The following GRID1 variants were observed in gnomAD, a reference collection of about 807,000 sequenced individuals.
GRID1 encodes the protein glutamate receptor ionotropic, delta-1.
In GRID1, 28 loss-of-function variants were observed where a neutral mutation model predicts 98.0. The ratio of observed to expected loss-of-function variants is 0.29; its 90% CI spans 0.21 to 0.39. The LOEUF is 0.39. Ranked by LOEUF, GRID1 falls within the 10% of genes least tolerant of loss-of-function variation. The probability of loss-of-function intolerance (pLI) is 1.00; values close to 1 mark genes in which losing one functional copy is unlikely to be tolerated. For synonymous variants in GRID1, 553 were observed against 538.5 expected, an observed-to-expected ratio of 1.03 and a Z score of -0.37; for missense variants, 1,111 against 1,340.5, an observed-to-expected ratio of 0.83 and a Z score of 2.67.
chr10:85,646,083 G>A (rs1452285384), intron 13 of GRID1: 2 of 152,396 alleles, frequency 1.3e-5, no homozygotes, highest in South Asian at 2.1e-4. Context: ...GAAGTCACTG[G>A]AGTGGCTGGG....
At chr10:86,073,850 C>T (rs1448890499) in intron 4 of GRID1, among the ~76,000 whole-genome samples, 1 of 152,188 alleles carries the variant, frequency 6.6e-6, no homozygotes, top group Admixed American at 6.5e-5. Flanking sequence ...CACCTGGGCT[C>T]TCTCTCCTCT....
chr10:86,085,334 G>A (rs1311520606), intron 4 of GRID1, among the ~76,000 whole-genome samples: 1 of 152,226 alleles, frequency 6.6e-6, no homozygotes, highest in East Asian at 1.9e-4. Context: ...TGGACCTCCA[G>A]TGCCAGCCTC....
Position 85,628,615 on chromosome 10 carries a change from G to C in GRID1, c.2194-8582C>G, listed in dbSNP as rs538211422. Reference sequence around the variant, plus strand: ...ATGTGAGGCTGTGAGGCAGACCATTGGTGGGCCCAGCTAGGAGGTTGTCAG... The same window carrying C: ...ATGTGAGGCTGTGAGGCAGACCATTCGTGGGCCCAGCTAGGAGGTTGTCAG... On this transcript the variant is annotated intron_variant, in intron 13 of 15. Coordinates refer to ENST00000327946, the MANE Select transcript of GRID1 (RefSeq NM_017551.3). Among the ~76,000 whole-genome samples the C allele has an allele frequency of 2.0e-5, 3 of 152,246 alleles. No individual in the cohort carries two copies. In the South Asian group the frequency reaches 6.2e-4, roughly 32 times the overall value.
chr10:85,757,040 T>A (rs1842106304), intron 8 of GRID1, among the ~76,000 whole-genome samples: 1 of 152,146 alleles, frequency 6.6e-6, no homozygotes, highest in Non-Finnish European at 1.5e-5. Context: ...CCTCCAAGGA[T>A]CTACCTTCTA....
Position 85,613,501 on chromosome 10 carries a change from C to T in GRID1, c.2507G>A (p.Cys836Tyr). 1.2e-6 allele frequency: 2 copies of T among 1,614,174 alleles called. No homozygotes were observed. The highest frequency in any genetic ancestry group is 1.7e-6 in the Non-Finnish European group (2 of 1,180,048). The change falls in exon 15 of 16, where the codon TGC (cysteine) becomes TAC (tyrosine). Residue 836 changes from cysteine (C) to tyrosine (Y), a missense_variant. By Grantham distance (194) the Cys-to-Tyr change is radical (BLOSUM62 -2). This residue lies in a region of GRID1 where 762 missense variants were observed against 869.1 expected (regional missense o/e 0.88). Transcript: ENST00000327946. The stretch of plus-strand genomic sequence containing the variant: ...CAGGAGCAGGCCAATGGCCAGGATG[C>T]AGAAGACCCCGGCGAAGCTGTGCAG... ...LKLHSFAGVF[C>Y]ILAIGLLLAC...
At chr10:86,212,507 G>A (rs1391021808) in intron 2 of GRID1, among the ~76,000 whole-genome samples, 1 of 152,224 alleles carries the variant, frequency 6.6e-6, no homozygotes, top group Non-Finnish European at 1.5e-5. Context: ...GCAGAAAAAA[G>A]AGCCAGGCTC....
chr10:86,257,834 G>T (rs1014134611), intron 2 of GRID1, among the ~76,000 whole-genome samples: 1 of 152,208 alleles, frequency 6.6e-6, no homozygotes, highest in Non-Finnish European at 1.5e-5. Context: ...CACCTAAAAG[G>T]ATTATCTCCA....
chr10:85,792,011 A>G (rs2132741981), intron 8 of GRID1, among the ~76,000 whole-genome samples: 1 of 152,294 alleles, frequency 6.6e-6, no homozygotes, highest in African/African-American at 2.4e-5. Flanking sequence ...GAGCCAGTCC[A>G]AAAGAGTGTC....
chr10:85,604,524 T>C (rs1342417201), intron 15 of GRID1, among the ~76,000 whole-genome samples: 3 of 152,080 alleles, frequency 2.0e-5, no homozygotes, highest in African/African-American at 7.2e-5. Context: ...TGGGAGACCA[T>C]CTCTGAGTTA....
At chr10:85,718,339 T>C (rs1337625491) in intron 12 of GRID1, among the ~76,000 whole-genome samples, 1 of 152,112 alleles carries the variant, frequency 6.6e-6, no homozygotes, top group Non-Finnish European at 1.5e-5. Flanking sequence ...TTCTCAAACC[T>C]CAACTCCTGA....
At chr10:86,319,558 G>C (rs1847941841) in intron 2 of GRID1, among the ~76,000 whole-genome samples, 2 of 151,964 alleles carry the variant, frequency 1.3e-5, no homozygotes, top group Admixed American at 1.3e-4. Context: ...GAAAACTCCA[G>C]CTACCCTCCC....
chr10:85,925,541 G>T (rs1468555397), intron 4 of GRID1, among the ~76,000 whole-genome samples: 1 of 152,220 alleles, frequency 6.6e-6, no homozygotes, highest in African/African-American at 2.4e-5. Context: ...ACACTCTGCT[G>T]TTCAGCTCCA....
intron 2 of GRID1, among the ~76,000 whole-genome samples, chr10:86,227,337 G>A (rs944760932): frequency 1.3e-5 from 2 of 152,186 alleles, no homozygotes; most frequent in Non-Finnish European, 2.9e-5. Flanking sequence ...GGCAGGGGTG[G>A]TGGAGAGCTC....
At chr10:86,102,756 C>T (rs572714563) in intron 4 of GRID1, among the ~76,000 whole-genome samples, 16 of 152,122 alleles carry the variant, frequency 1.1e-4, no homozygotes, top group African/African-American at 2.9e-4. Context: ...AACCAGACTG[C>T]GAGGCCTATG....
intron 2 of GRID1, among the ~76,000 whole-genome samples, chr10:86,305,622 T>C (rs1235004139): frequency 6.6e-6 from 1 of 152,030 alleles, no homozygotes; most frequent in African/African-American, 2.4e-5. Context: ...CATTTCTCGG[T>C]TTGCCCCCCA....
At chr10:85,714,371 A>G (rs1479109244) in intron 12 of GRID1, among the ~76,000 whole-genome samples, 1 of 152,054 alleles carries the variant, frequency 6.6e-6, no homozygotes, top group Non-Finnish European at 1.5e-5. Flanking sequence ...GTTTATCTAT[A>G]AACAAACCTG....
chr10:86,138,298 G>C (rs1393428818), intron 4 of GRID1, among the ~76,000 whole-genome samples: 1 of 152,132 alleles, frequency 6.6e-6, no homozygotes, highest in African/African-American at 2.4e-5. Context: ...CTCCAACCTC[G>C]AACAGAGATG....
chr10:85,865,940 TATAC>T lies in GRID1; in HGVS notation c.951+3066_951+3069del, dbSNP rs1479499751. Among the ~76,000 whole-genome samples the T allele has an allele frequency of 2.9e-4, 30 of 101,890 alleles. 1 individual carries two copies. The highest frequency in any genetic ancestry group is 4.5e-4 in the African/African-American group (12 of 26,494). The allele number at this position is 101,890 out of a possible 152,430, so 66.8% of individuals were successfully genotyped here. On this transcript the variant is annotated intron_variant, in intron 6 of 15. Coordinates refer to ENST00000327946, the MANE Select transcript of GRID1 (RefSeq NM_017551.3). The stretch of plus-strand genomic sequence containing the variant: ...ATATATATATATATATATATATATA[TATAC>T]ACATATATATGGAGAGAGAGAGAGA...
rs544578610 is a variant in GRID1 at position 85,819,967 on chromosome 10, GAGGAAGGAAGGAAGGAAGGA to G, written c.1233+34509_1233+34528del. Among the ~76,000 whole-genome samples the G allele has an allele frequency of 1.4e-3, 123 of 88,438 alleles. 1 individual carries two copies. Among genetic ancestry groups the G allele is most frequent in the African/African-American group, 3.8e-3 (88 of 23,430 alleles). The allele number at this position is 88,438 out of a possible 152,430, so 58.0% of individuals were successfully genotyped here. A position where few individuals can be genotyped will look rare whatever the true frequency, so the allele number is the denominator to read the frequency against. On this transcript the variant is annotated intron_variant, in intron 8 of 15. Coordinates refer to ENST00000327946, the MANE Select transcript of GRID1 (RefSeq NM_017551.3). ...GGAGGGAGGAAGGGAGAGAAAGAGA[GAGGAAGGAAGGAAGGAAGGA>G]AGGAAGGAAGGAAGGAAGGAAGGAA...
Sources: allele counts gnomAD v4.1 joint callset (sites outside exome capture counted in the v4.1 genomes callset), GRCh38; gene constraint gnomAD v4.1.1; regional missense constraint gnomAD v4.1.1; transcripts MANE v1.5; gene names NCBI Gene and HGNC (gene_info 2026-07-23, HGNC 2026-07-21).